GOLPH3: variants seen among roughly 807,000 people sequenced by gnomAD.
GOLPH3 encodes golgi phosphoprotein 3.
In GOLPH3, 14 loss-of-function variants were observed where a neutral mutation model predicts 28.5. The ratio of observed to expected loss-of-function variants is 0.49; its 90% CI spans 0.32 to 0.77. GOLPH3 has a LOEUF of 0.77. Ranked by LOEUF, GOLPH3 falls within the 30% of genes least tolerant of loss-of-function variation. The pLI, the probability that GOLPH3 is intolerant of heterozygous loss-of-function variation, is 0.03. For synonymous variants in GOLPH3, 158 were observed against 159.2 expected, an observed-to-expected ratio of 0.99 and a Z score of 0.06; for missense variants, 350 against 393.7, an observed-to-expected ratio of 0.89 and a Z score of 0.94.
At position 32,125,066 on chromosome 5, in the gene GOLPH3, A is replaced by C. The variant is rs1745645966; in HGVS notation, c.*1146T>G. On this transcript the variant is annotated 3_prime_UTR_variant, in exon 4 of 4. Coordinates refer to ENST00000265070, the MANE Select transcript of GOLPH3 (RefSeq NM_022130.4). ...ATCCTAATTGTATATAAAAAATTAAAACATAGAGCTTTCTGTTACAAAATT... is the reference window on the plus strand; with the variant it reads ...ATCCTAATTGTATATAAAAAATTAACACATAGAGCTTTCTGTTACAAAATT... The C allele has an allele frequency of 6.5e-6, 1 of 152,676 alleles. No individual in the cohort carries two copies. Among genetic ancestry groups the C allele is most frequent in the Non-Finnish European group, 1.5e-5 (1 of 68,040 alleles). 9.5% of individuals were successfully genotyped at this position (152,676 alleles called of 1,614,324 possible). A position where few individuals can be genotyped will look rare whatever the true frequency, so the allele number is the denominator to read the frequency against.
At chr5:32,169,333 G>A (rs1037213337) in intron 1 of GOLPH3, among the ~76,000 whole-genome samples, 4 of 152,038 alleles carry the variant, frequency 2.6e-5, no homozygotes, top group Non-Finnish European at 4.4e-5. Context: ...AAAATAAAGC[G>A]AAGACCTGGG....
At chr5:32,168,910 G>C (rs1234905327) in intron 1 of GOLPH3, among the ~76,000 whole-genome samples, 1 of 151,950 alleles carries the variant, frequency 6.6e-6, no homozygotes, top group Non-Finnish European at 1.5e-5. Context: ...AGTGAGCTAT[G>C]ATCTCGCCAC....
In GOLPH3 at chr5:32,158,091, AAAATAAATAAATAAATAAATAAAT is replaced by A. The variant is rs371590080; in HGVS notation, c.226-14235_226-14212del. ...CAAAATCAGCTTTAAACTCTGTCTC[AAAATAAATAAATAAATAAATAAAT>A]AAATAAATAAATAAAATACACACAC... On this transcript the variant is annotated intron_variant, in intron 1 of 3. Transcript: ENST00000265070. Among the ~76,000 whole-genome samples, 141 of 43,270 alleles carry A rather than the reference AAAATAAATAAATAAATAAATAAAT, an allele frequency of 3.3e-3. 2 individuals are homozygous for A. Among genetic ancestry groups the A allele is most frequent in the African/African-American group, 0.015 (133 of 8,818 alleles). The allele number at this position is 43,270 out of a possible 152,430, so 28.4% of individuals were successfully genotyped here.
chr5:32,130,074 A>G (rs1364240952), intron 3 of GOLPH3, among the ~76,000 whole-genome samples: 1 of 152,102 alleles, frequency 6.6e-6, no homozygotes, highest in Non-Finnish European at 1.5e-5. Flanking sequence ...ATCTCCTGAC[A>G]TCGTGATCCA....
At chr5:32,162,771 C>T (rs1390882395) in intron 1 of GOLPH3, among the ~76,000 whole-genome samples, 2 of 152,168 alleles carry the variant, frequency 1.3e-5, no homozygotes, top group East Asian at 1.9e-4. Context: ...TAGAGGCTTT[C>T]GGACAGAACA....
At chr5:32,156,614 G>A (rs1263049126) in intron 1 of GOLPH3, among the ~76,000 whole-genome samples, 2 of 151,892 alleles carry the variant, frequency 1.3e-5, no homozygotes, top group East Asian at 3.8e-4. Context: ...ACGGACTGGA[G>A]CGGCGGGGGG....
intron 2 of GOLPH3, among the ~76,000 whole-genome samples, chr5:32,139,421 T>C (rs1224075016): frequency 1.3e-5 from 2 of 152,236 alleles, no homozygotes; most frequent in African/African-American, 4.8e-5. Context: ...GAGGAACAAC[T>C]ATATTCTAGT....
At chr5:32,157,219 T>G (rs894543266) in intron 1 of GOLPH3, among the ~76,000 whole-genome samples, 2 of 152,162 alleles carry the variant, frequency 1.3e-5, no homozygotes, top group Non-Finnish European at 2.9e-5. Context: ...CAAATCCAAC[T>G]CGGAAATTCA....
intron 2 of GOLPH3, among the ~76,000 whole-genome samples, chr5:32,140,497 A>T (rs556087204): frequency 1.0e-4 from 15 of 145,956 alleles, no homozygotes; most frequent in African/African-American, 3.5e-4. Context: ...TAAACATATA[A>T]AAAAAAAAAA....
At chr5:32,158,090 CAAAATAAA>C (rs1746481536) in intron 1 of GOLPH3, among the ~76,000 whole-genome samples, 1 of 95,810 alleles carries the variant, frequency 1.0e-5, no homozygotes, top group Non-Finnish European at 1.9e-5. Flanking sequence ...AACTCTGTCT[CAAAATAAA>C]TAAATAAATA....
rs1372339252 is a variant in GOLPH3, at chr5:32,142,844, G to A, written c.357+905C>T. On this transcript the variant is annotated intron_variant, in intron 2 of 3. Coordinates refer to ENST00000265070, the MANE Select transcript of GOLPH3 (RefSeq NM_022130.4). ...GGGAGGTGGGGGGGGTCAGCCCCCC[G>A]CCCGGCCAGCCGCCCCGTCCGGGAG... Among the ~76,000 whole-genome samples, 4 of 144,628 alleles carry A rather than the reference G, an allele frequency of 2.8e-5. No homozygotes were observed. In the South Asian group the frequency reaches 8.8e-4, roughly 32 times the overall value. 94.9% of individuals were successfully genotyped at this position (144,628 alleles called of 152,430 possible). A position where few individuals can be genotyped will look rare whatever the true frequency, so the allele number is the denominator to read the frequency against.
At chr5:32,162,478 C>G (rs1464190182) in intron 1 of GOLPH3, among the ~76,000 whole-genome samples, 3 of 147,122 alleles carry the variant, frequency 2.0e-5, no homozygotes, top group African/African-American at 7.6e-5. Context: ...GGCAACAGAG[C>G]AAGACTCCGT....
intron 1 of GOLPH3, among the ~76,000 whole-genome samples, chr5:32,169,137 C>A (rs1746778534): frequency 6.6e-6 from 1 of 151,724 alleles, no homozygotes; most frequent in Non-Finnish European, 1.5e-5. Context: ...TTTTAATTAG[C>A]TGGGCATGGT....
intron 1 of GOLPH3, among the ~76,000 whole-genome samples, chr5:32,170,408 C>T (rs6880332): frequency 0.025 from 3,737 of 152,282 alleles, 65 homozygotes; most frequent in Non-Finnish European, 0.038. Flanking sequence ...ATATTTCCAA[C>T]ATTAATGATT....
At chr5:32,173,672 C>T (rs1746901507) in intron 1 of GOLPH3, 138 bp downstream of exon 1, 8 of 510,282 alleles carry the variant, frequency 1.6e-5, no homozygotes, top group Admixed American at 4.5e-5. Flanking sequence ...GTCAGCTGGG[C>T]GCCACCAGGC....
rs757857131 is a variant in GOLPH3, at chr5:32,126,372, G to A, written c.737C>T (p.Ser246Leu). 3 of 1,614,144 alleles carry A rather than the reference G, an allele frequency of 1.9e-6. No individual in the cohort carries two copies. The highest frequency in any genetic ancestry group is 2.5e-6 in the Non-Finnish European group (3 of 1,180,032). Residue 246 changes from serine (S) to leucine (L), a missense_variant, in exon 4 of 4, where the codon TCG becomes TTG. Ser to Leu is a moderately radical substitution (Grantham distance 145). Coordinates refer to ENST00000265070, the MANE Select transcript of GOLPH3 (RefSeq NM_022130.4). ...AGCAAAAGCATTCTCCAGGACGTCC[G>A]AGGCATGAGCCAGGTAAATGAGGGC... is the stretch of plus-strand genomic sequence containing the variant. ...LLALIYLAHA[S>L]DVLENAFAPL...
Position 32,125,836 on chromosome 5 carries a change from T to C in GOLPH3, c.*376A>G, listed in dbSNP as rs1009289119. The C allele has an allele frequency of 1.1e-5, 2 of 178,810 alleles. No homozygotes were observed. Among genetic ancestry groups the C allele is most frequent in the Middle Eastern group, 2.6e-3 (1 of 392 alleles). 11.1% of individuals were successfully genotyped at this position (178,810 alleles called of 1,614,324 possible). A position where few individuals can be genotyped will look rare whatever the true frequency, so the allele number is the denominator to read the frequency against. On this transcript the variant is annotated 3_prime_UTR_variant, in exon 4 of 4. Coordinates refer to ENST00000265070, the MANE Select transcript of GOLPH3 (RefSeq NM_022130.4). ...CTTTTTGTGACTTCTGTCTGAACTG[T>C]AGGCAGAATGCTAGATGTACATGCA...
At chr5:32,140,240 A>T (rs1450828279) in intron 2 of GOLPH3, among the ~76,000 whole-genome samples, 3 of 152,116 alleles carry the variant, frequency 2.0e-5, no homozygotes, top group Admixed American at 2.0e-4. Context: ...ACAGTGGCTC[A>T]CGTCTGTAAT....
chr5:32,130,952 T>C lies in GOLPH3; in HGVS notation c.473-4316A>G, dbSNP rs1581536765. On this transcript the variant is annotated intron_variant, in intron 3 of 3. Transcript: ENST00000265070. ...TTCCAAAGTATACTAACTTACAGTTTAATGTTTCTACTAAAAATTAGAAGA... is the reference window on the plus strand; with the variant it reads ...TTCCAAAGTATACTAACTTACAGTTCAATGTTTCTACTAAAAATTAGAAGA... 2.0e-5 allele frequency among the ~76,000 whole-genome samples: 3 copies of C among 152,264 alleles called. No individual in the cohort carries two copies. In the East Asian group the frequency reaches 5.8e-4, roughly 29 times the overall value.
Sources: allele counts gnomAD v4.1 joint callset (sites outside exome capture counted in the v4.1 genomes callset), GRCh38; gene constraint gnomAD v4.1.1; transcripts MANE v1.5; gene names NCBI Gene and HGNC (gene_info 2026-07-23, HGNC 2026-07-21).